LRRC73: variants seen among roughly 807,000 people sequenced by gnomAD.
The protein encoded by LRRC73 is leucine rich repeat containing 73.
Under a neutral mutation model 26.4 loss-of-function variants are expected in LRRC73, and 16 were observed. The observed-to-expected ratio is 0.61, with a 90% CI of 0.41 to 0.92. The LOEUF is 0.92. Among genes scored for constraint, LRRC73 ranks in the 40% least tolerant of loss-of-function variants. LRRC73 has a pLI of 0.00. For missense variants in LRRC73, 344 were observed against 416.3 expected, an observed-to-expected ratio of 0.83 and a Z score of 1.51; for synonymous variants, 210 against 179.8, an observed-to-expected ratio of 1.17 and a Z score of -1.34.
exon 3 of LRRC73, chr6:43,508,325 C>T (rs775367430): frequency 6.2e-6 from 10 of 1,613,204 alleles, no homozygotes; most frequent in Admixed American, 1.7e-5. Flanking sequence ...AGATTGAGGA[C>T]GCGGACCTGG....
chr6:43,506,990 G>A (rs1166530235), exon 6 of LRRC73: 6 of 523,488 alleles, frequency 1.1e-5, no homozygotes, highest in African/African-American at 3.8e-5. Context: ...AATCTTTTCC[G>A]AGCCAGCGGG....
exon 1 of LRRC73, chr6:43,510,109 G>T (rs1026854133): frequency 1.9e-5 from 4 of 210,532 alleles, no homozygotes; most frequent in Non-Finnish European, 3.7e-5. Context: ...CGCGTTCCGG[G>T]GGTTGGGCAG....
exon 1 of LRRC73, chr6:43,510,055 CG>C (rs1792617777): frequency 4.1e-6 from 1 of 245,210 alleles, no homozygotes; most frequent in Non-Finnish European, 7.7e-6. Context: ...GGCGCTGGGG[CG>C]GGGGCGGCCC....
intron 1 of LRRC73, 77 bp downstream of exon 1, chr6:43,509,437 T>C: frequency 4.7e-6 from 7 of 1,491,028 alleles, no homozygotes; most frequent in Non-Finnish European, 6.3e-6. Context: ...GGAAGGAGTG[T>C]GGAGGAACAG....
exon 6 of LRRC73, chr6:43,507,200 T>C (rs781007080): frequency 1.2e-6 from 2 of 1,608,618 alleles, no homozygotes; most frequent in African/African-American, 2.7e-5. Context: ...GCTCGGGACA[T>C]AGATAAGTGA....
At chr6:43,507,159 C>T (rs1792514757) in exon 6 of LRRC73, 1 of 1,505,876 alleles carries the variant, frequency 6.6e-7, no homozygotes, top group Admixed American at 1.8e-5. Flanking sequence ...TCCCAAGTCC[C>T]AGGGCCTGAC....
rs546694012 is a variant in LRRC73 at position 43,508,292 on chromosome 6, C to A, written c.556+6G>T. ...GACAGCCCAAGGGGGTATTCTTGAG[C>A]CTCACCCAGGGGGTTGTAATCCAGA... On this transcript the variant is annotated splice_donor_region_variant and intron_variant, in intron 3 of 5. Coordinates refer to ENST00000372441, the Ensembl canonical transcript of LRRC73. 1.9e-5 allele frequency: 31 copies of A among 1,608,152 alleles called. 1 individual carries two copies. In the South Asian group the frequency reaches 3.0e-4, roughly 16 times the overall value.
At chr6:43,509,135 A>T (rs774368873) in intron 1 of LRRC73, among the ~76,000 whole-genome samples, 20 of 92,876 alleles carry the variant, frequency 2.2e-4, no homozygotes, top group Non-Finnish European at 3.3e-4. Flanking sequence ...GACATTGCAC[A>T]GGGAGGGGCA....
At chr6:43,507,573 A>G in exon 5 of LRRC73, 1 of 1,613,864 alleles carries the variant, frequency 6.2e-7, no homozygotes, top group Non-Finnish European at 8.5e-7. Context: ...TCTCCCTCAG[A>G]GAGGAGGTCA....
exon 1 of LRRC73, chr6:43,509,618 C>G (rs1792604016): frequency 6.2e-7 from 1 of 1,605,090 alleles, no homozygotes; most frequent in Admixed American, 1.7e-5. Flanking sequence ...GCGCCAGGGA[C>G]GTGGCCCCGG....
chr6:43,509,157 G>A (rs1233881511), intron 1 of LRRC73, among the ~76,000 whole-genome samples: 1 of 152,116 alleles, frequency 6.6e-6, no homozygotes, highest in African/African-American at 2.4e-5. Context: ...AGAAGGGGTG[G>A]GTGGGTGGTG....
exon 1 of LRRC73, chr6:43,509,768 G>A (rs1325010549): frequency 1.3e-6 from 2 of 1,579,704 alleles, no homozygotes; most frequent in South Asian, 2.3e-5. Flanking sequence ...CCGAAATCTG[G>A]ATGGAGCTGG....
intron 1 of LRRC73, 89 bp downstream of exon 1, chr6:43,509,425 C>G (rs964340411): frequency 6.9e-7 from 1 of 1,447,406 alleles, no homozygotes; most frequent in African/African-American, 1.4e-5. Context: ...TAGGATGGTA[C>G]TGGAAGGAGT....
chr6:43,507,284 A>G (rs1223876045), exon 6 of LRRC73: 3 of 1,614,000 alleles, frequency 1.9e-6, no homozygotes, highest in Non-Finnish European at 2.5e-6. Context: ...TCCTGACGTC[A>G]TTAGCACCAT....
rs201947051 is a variant in LRRC73 at position 43,507,247 on chromosome 6, G to A, written c.942C>T (p.Thr314=). The A allele has an allele frequency of 2.0e-5, 33 of 1,613,822 alleles. No individual in the cohort carries two copies. In the East Asian group the frequency reaches 2.7e-4, roughly 13 times the overall value. ...GAGGCCCAGTGGAGAGTCACATCTC[G>A]GTCTCAGCCAACAGACTGTCCCCTA... The change falls in exon 6 of 6, where the codon ACC becomes ACT. Residue 314 remains threonine, a synonymous_variant. Coordinates refer to ENST00000372441, the Ensembl canonical transcript of LRRC73.
chr6:43,510,113 T>G, exon 1 of LRRC73: 4 of 193,510 alleles, frequency 2.1e-5, no homozygotes, highest in Non-Finnish European at 1.0e-5. Flanking sequence ...TTCCGGGGGT[T>G]GGGCAGGCGC....
At position 43,507,692 on chromosome 6, in the gene LRRC73, G is replaced by A. The variant is rs371291537; in HGVS notation, c.658-14C>T. The A allele has an allele frequency of 9.3e-6, 15 of 1,612,518 alleles. No individual in the cohort carries two copies. The African/African-American group carries it at 2.0e-4, about 22-fold the overall frequency. Reference sequence around the variant, plus strand: ...GTCCAGCAGGGTCTGAAGTGGGGAAGAATATGGAAAAGGATGAACACAGTT... The same window carrying A: ...GTCCAGCAGGGTCTGAAGTGGGGAAAAATATGGAAAAGGATGAACACAGTT... On this transcript the variant is annotated splice_polypyrimidine_tract_variant and intron_variant, in intron 4 of 5. Coordinates refer to ENST00000372441, the Ensembl canonical transcript of LRRC73.
intron 2 of LRRC73, 79 bp from the exon 3 acceptor site, chr6:43,508,499 CTG>C: frequency 6.3e-7 from 1 of 1,595,700 alleles, no homozygotes; most frequent in Non-Finnish European, 8.5e-7. Flanking sequence ...CCCTGTGTCT[CTG>C]GGGTGTCCCT....
intron 1 of LRRC73, 115 bp from the exon 2 acceptor site, chr6:43,509,035 G>A: frequency 2.7e-6 from 3 of 1,091,630 alleles, no homozygotes; most frequent in Middle Eastern, 3.1e-4. Context: ...CAGCGCTTGA[G>A]AGGCCTGGAA....
Sources: allele counts gnomAD v4.1 joint callset (sites outside exome capture counted in the v4.1 genomes callset), GRCh38; gene constraint gnomAD v4.1.1; transcripts MANE v1.5; gene names NCBI Gene and HGNC (gene_info 2026-07-23, HGNC 2026-07-21).